Variants in HDAC9 observed in about 807,000 individuals in gnomAD.
The protein encoded by HDAC9 is histone deacetylase 9, also known as MEF-2 interacting transcription repressor (MITR) protein.
Under a neutral mutation model 139.4 loss-of-function variants are expected in HDAC9, and 41 were observed. The observed-to-expected ratio is 0.29, with a 90% CI of 0.23 to 0.38. The LOEUF (loss-of-function observed/expected upper bound fraction) is 0.38, where lower values mean the gene tolerates loss of function less well. HDAC9 is among the 10% of genes least tolerant of loss of function. The pLI is 1.00. For missense variants in HDAC9, 1,147 were observed against 1,297.0 expected (o/e 0.88, Z 1.78); for synonymous variants, 517 against 476.2 (o/e 1.09, Z -1.12).
chr7:18,631,035 G>A (rs1176604781), intron 7 of HDAC9, among the ~76,000 whole-genome samples: 3 of 151,942 alleles, frequency 2.0e-5, no homozygotes, highest in Non-Finnish European at 4.4e-5. Context: ...ATCCCAATGT[G>A]CTTTTCTGTG....
intron 21 of HDAC9, among the ~76,000 whole-genome samples, chr7:18,858,049 G>T (rs1028005043): frequency 6.6e-6 from 1 of 152,116 alleles, no homozygotes; most frequent in Admixed American, 6.6e-5. Flanking sequence ...TTGAAATCTT[G>T]GATTCTGCCG....
chr7:18,655,297 A>G (rs1483826317), intron 11 of HDAC9, among the ~76,000 whole-genome samples: 1 of 152,124 alleles, frequency 6.6e-6, no homozygotes, highest in Admixed American at 6.6e-5. Context: ...CATGGATAGT[A>G]TGTCCAAAAA....
At chr7:18,722,227 G>T (rs919208028) in intron 12 of HDAC9, among the ~76,000 whole-genome samples, 4 of 152,018 alleles carry the variant, frequency 2.6e-5, no homozygotes, top group Non-Finnish European at 5.9e-5. Flanking sequence ...AGCTGAAAAA[G>T]AAAGACGAAT....
chr7:18,356,369 T>TTTTG (rs1159492906), intron 1 of HDAC9, among the ~76,000 whole-genome samples: 3 of 141,146 alleles, frequency 2.1e-5, no homozygotes, highest in African/African-American at 8.1e-5. Context: ...TTTTTTTTTT[T>TTTTG]TTTTTTTTTT....
chr7:18,545,886 G>C (rs1189798905), intron 2 of HDAC9, among the ~76,000 whole-genome samples: 2 of 152,146 alleles, frequency 1.3e-5, no homozygotes, highest in African/African-American at 4.8e-5. Context: ...AAATAAGAGA[G>C]GGGAAAAGAA....
At chr7:18,286,956 T>C (rs566710736), upstream of HDAC9, among the ~76,000 whole-genome samples, 1 of 152,308 alleles carries the variant, frequency 6.6e-6, no homozygotes, top group African/African-American at 2.4e-5. Flanking sequence ...AGAGATAATG[T>C]AATGACTTAC....
intron 1 of HDAC9, among the ~76,000 whole-genome samples, chr7:18,487,616 A>G (rs1796068614): frequency 6.6e-6 from 1 of 152,254 alleles, no homozygotes; most frequent in Admixed American, 6.5e-5. Flanking sequence ...ATTGCTATAA[A>G]TACTTTTGAT....
At chr7:18,729,287 TATA>T (rs1242144608) in intron 13 of HDAC9, among the ~76,000 whole-genome samples, 2 of 151,352 alleles carry the variant, frequency 1.3e-5, no homozygotes, top group East Asian at 1.9e-4. Context: ...TCCTTAATAT[TATA>T]ATAATATTAA....
intron 11 of HDAC9, among the ~76,000 whole-genome samples, chr7:18,660,772 ACT>A (rs1792874847): frequency 2.6e-5 from 4 of 151,992 alleles, no homozygotes; most frequent in Admixed American, 2.0e-4. Context: ...GGGCGAACAA[ACT>A]CTGCATGTTT....
chr7:18,206,532 A>G (rs760757383), intron 2 of HDAC9, among the ~76,000 whole-genome samples: 2 of 152,200 alleles, frequency 1.3e-5, no homozygotes, highest in Non-Finnish European at 2.9e-5. Context: ...TCCTTGGCCA[A>G]GATCCCATTA....
Position 18,481,972 on chromosome 7 carries a change from G to A in HDAC9, c.-41-14290G>A, listed in dbSNP as rs547310855. Among the ~76,000 whole-genome samples, 29 of 152,204 alleles carry A rather than the reference G, an allele frequency of 1.9e-4. 1 individual carries two copies. Among genetic ancestry groups the A allele is most frequent in the African/African-American group, 5.8e-4 (24 of 41,520 alleles). ...TAGCTGTGTCTGTAATGGCCTGTGG[G>A]TGACTTTATGTGCCAAGTCTTCACT... On this transcript the variant is annotated intron_variant, in intron 1 of 3. Transcript: ENST00000413509.
chr7:18,291,798 CTCACTTTGAGGATG>C (rs1323526061), intron 1 of HDAC9, among the ~76,000 whole-genome samples: 1 of 152,136 alleles, frequency 6.6e-6, no homozygotes, highest in East Asian at 1.9e-4. Context: ...TGCCCACCCT[CTCACTTTGAGGATG>C]AGGGAGTAGA....
At chr7:18,139,863 G>A (rs1785761270) in intron 1 of HDAC9, among the ~76,000 whole-genome samples, 1 of 152,174 alleles carries the variant, frequency 6.6e-6, no homozygotes, top group African/African-American at 2.4e-5. Context: ...GGAAGTTAGA[G>A]TCTTCAAGGA....
chr7:18,318,746 T>A (rs1445909863), intron 1 of HDAC9, among the ~76,000 whole-genome samples: 1 of 152,224 alleles, frequency 6.6e-6, no homozygotes, highest in Non-Finnish European at 1.5e-5. Context: ...GTTCATACTT[T>A]GGGTCTGTCA....
intron 2 of HDAC9, among the ~76,000 whole-genome samples, chr7:18,165,869 A>C (rs984172677): frequency 1.3e-5 from 2 of 151,988 alleles, no homozygotes; most frequent in African/African-American, 4.8e-5. Flanking sequence ...TTTGAGGGGA[A>C]CATTCTAGTG....
intron 1 of HDAC9, among the ~76,000 whole-genome samples, chr7:18,142,623 A>G (rs1323759889): frequency 1.3e-5 from 2 of 152,176 alleles, no homozygotes; most frequent in African/African-American, 2.4e-5. Flanking sequence ...CAGAGGGACA[A>G]CTGGTCAGAG....
chr7:18,088,848 A>G (rs1161100206), intron 1 of HDAC9, among the ~76,000 whole-genome samples: 1 of 152,228 alleles, frequency 6.6e-6, no homozygotes, highest in Non-Finnish European at 1.5e-5. Context: ...TAAGAATATT[A>G]TATTTCCAAA....
intron 25 of HDAC9, among the ~76,000 whole-genome samples, chr7:18,987,627 G>T (rs916652175): frequency 6.6e-6 from 1 of 152,276 alleles, no homozygotes; most frequent in Non-Finnish European, 1.5e-5. Context: ...GATTGGCATA[G>T]TTTCAGAAGG....
chr7:18,115,626 C>T (rs534436552), intron 1 of HDAC9, among the ~76,000 whole-genome samples: 2 of 152,174 alleles, frequency 1.3e-5, no homozygotes, highest in African/African-American at 2.4e-5. Context: ...ATGTTCAAAT[C>T]GGTTATTTGA....
Sources: allele counts gnomAD v4.1 joint callset (sites outside exome capture counted in the v4.1 genomes callset), GRCh38; gene constraint gnomAD v4.1.1; transcripts MANE v1.5; gene names NCBI Gene and HGNC (gene_info 2026-07-23, HGNC 2026-07-21).